Variants in CBFA2T2 observed in about 807,000 individuals in gnomAD.
CBFA2T2 encodes protein CBFA2T2.
A neutral mutation model predicts 62.2 loss-of-function variants in CBFA2T2; 11 were observed. The observed-to-expected ratio is 0.18, with a 90% CI of 0.11 to 0.29. The LOEUF (loss-of-function observed/expected upper bound fraction) is 0.29. Ranked by LOEUF, CBFA2T2 falls within the 10% of genes least tolerant of loss-of-function variation. The pLI is 1.00. For synonymous variants in CBFA2T2, 295 were observed against 287.5 expected (o/e 1.03, Z -0.27); for missense variants, 592 against 774.1 (o/e 0.76, Z 2.79).
At chr20:33,548,983 TCCATCC>T (rs1416052556) in intron 1 of CBFA2T2, among the ~76,000 whole-genome samples, 15 of 128,850 alleles carry the variant, frequency 1.2e-4, no homozygotes, top group African/African-American at 6.2e-4. Context: ...CGTCCATCCA[TCCATCC>T]ATCCATCCAT....
chr20:33,551,760 G>A (rs748351624), intron 1 of CBFA2T2, among the ~76,000 whole-genome samples: 38 of 152,152 alleles, frequency 2.5e-4, no homozygotes, highest in South Asian at 6.2e-4. Context: ...TTGAACTCCT[G>A]ACCTCAAGAA....
At chr20:33,536,495 G>A (rs1213548469) in intron 1 of CBFA2T2, among the ~76,000 whole-genome samples, 10 of 150,956 alleles carry the variant, frequency 6.6e-5, no homozygotes, top group East Asian at 2.0e-4. Flanking sequence ...CCTCCCTCCC[G>A]GACGGGGTGG....
chr20:33,642,108 TTTTTTTTTTGTGTGTGTGTG>T (rs1232163396), intron 10 of CBFA2T2, among the ~76,000 whole-genome samples: 55 of 55,386 alleles, frequency 9.9e-4, no homozygotes, highest in Middle Eastern at 0.011. Flanking sequence ...CCTTTGTCTT[TTTTTTTTTTGTGTGTGTGTG>T]TGTGTGTGTG....
chr20:33,628,317 C>T, intron 6 of CBFA2T2, 33 bp from the exon 7 acceptor site: 1 of 1,466,674 alleles, frequency 6.8e-7, no homozygotes, highest in Non-Finnish European at 9.6e-7. Context: ...GTTTTTCCTG[C>T]TATCTTTGAA....
Position 33,643,719 on chromosome 20 carries a change from G to A in CBFA2T2, c.1489-628G>A, listed in dbSNP as rs184792411. ...ATCACTTGAGCCCAGGAGTTCAAGCGTAGCCTGGCCAACATGGCAAAACCT... is the reference window on the plus strand; with the variant it reads ...ATCACTTGAGCCCAGGAGTTCAAGCATAGCCTGGCCAACATGGCAAAACCT... On this transcript the variant is annotated intron_variant, in intron 10 of 10. Transcript: ENST00000342704. 2.8e-3 allele frequency among the ~76,000 whole-genome samples: 326 copies of A among 115,062 alleles called. 1 individual carries two copies. Among genetic ancestry groups the A allele is most frequent in the African/African-American group, 9.4e-3 (320 of 33,868 alleles). 75.5% of individuals were successfully genotyped at this position (115,062 alleles called of 152,430 possible). A position where few individuals can be genotyped will look rare whatever the true frequency, so the allele number is the denominator to read the frequency against.
At chr20:33,540,144 G>A (rs892864680) in intron 1 of CBFA2T2, among the ~76,000 whole-genome samples, 1 of 152,160 alleles carries the variant, frequency 6.6e-6, no homozygotes, top group African/African-American at 2.4e-5. Context: ...AACAGAATGG[G>A]AGTTTGGTAA....
chr20:33,580,868 AT>A (rs1394101477), intron 1 of CBFA2T2, among the ~76,000 whole-genome samples: 4 of 152,084 alleles, frequency 2.6e-5, no homozygotes, highest in Non-Finnish European at 5.9e-5. Context: ...TTATTTATTT[AT>A]TTTTAAAAAG....
chr20:33,507,601 A>G (rs1418134886), intron 1 of CBFA2T2, among the ~76,000 whole-genome samples: 2 of 151,964 alleles, frequency 1.3e-5, no homozygotes, highest in Non-Finnish European at 2.9e-5. Context: ...TAGCATTACC[A>G]TTTTTTTCTG....
intron 4 of CBFA2T2, 53 bp downstream of exon 4, chr20:33,619,659 G>A: frequency 7.8e-7 from 1 of 1,282,370 alleles, no homozygotes; most frequent in Non-Finnish European, 1.1e-6. Context: ...CTCAAATTCT[G>A]CTAATCCCTG....
chr20:33,584,668 G>C (rs1029424533), intron 1 of CBFA2T2, among the ~76,000 whole-genome samples: 1 of 152,130 alleles, frequency 6.6e-6, no homozygotes, highest in African/African-American at 2.4e-5. Context: ...TAATATAGAT[G>C]ATGGTGGTCA....
intron 3 of CBFA2T2, among the ~76,000 whole-genome samples, chr20:33,613,730 T>C (rs1330581106): frequency 6.6e-6 from 1 of 152,206 alleles, no homozygotes; most frequent in East Asian, 1.9e-4. Context: ...TTTAGTTCTT[T>C]TTTATTTTAA....
intron 1 of CBFA2T2, among the ~76,000 whole-genome samples, chr20:33,604,950 A>G (rs2015283651): frequency 6.6e-6 from 1 of 152,218 alleles, no homozygotes; most frequent in African/African-American, 2.4e-5. Flanking sequence ...TAGTCCACTA[A>G]TCAGACAGGA....
intron 1 of CBFA2T2, among the ~76,000 whole-genome samples, chr20:33,567,469 T>A (rs1034818644): frequency 1.1e-4 from 16 of 152,224 alleles, no homozygotes; most frequent in Non-Finnish European, 1.9e-4. Flanking sequence ...GCTAAGACAT[T>A]CTGAGAGAGA....
chr20:33,626,048 G>C (rs1220142683), intron 6 of CBFA2T2, among the ~76,000 whole-genome samples: 1 of 152,158 alleles, frequency 6.6e-6, no homozygotes, highest in Admixed American at 6.5e-5. Flanking sequence ...CTTGCAGTGA[G>C]CCGAGATCAC....
rs1889668528 is a variant in CBFA2T2 at position 33,532,684 on chromosome 20, A to ATGTATCTTGTC, written c.34+42386_34+42396dup. 2.6e-5 allele frequency among the ~76,000 whole-genome samples: 4 copies of ATGTATCTTGTC among 152,334 alleles called. No homozygotes were observed. The South Asian group carries it at 8.3e-4, about 32-fold the overall frequency. On this transcript the variant is annotated intron_variant, in intron 1 of 10. Transcript: ENST00000342704. ...ATGTCTCATTTAACACTGTGAGAGG[A>ATGTATCTTGTC]TGTATCTTGTCTGCATCTTGTGTTT...
intron 1 of CBFA2T2, among the ~76,000 whole-genome samples, chr20:33,564,317 C>T (rs1190466772): frequency 6.7e-6 from 1 of 148,716 alleles, no homozygotes; most frequent in African/African-American, 2.5e-5. Flanking sequence ...AGGTGGAGTG[C>T]AGTGGCGCGG....
At chr20:33,513,345 GTTTTTTTGTTT>G (rs1435377771) in intron 1 of CBFA2T2, among the ~76,000 whole-genome samples, 44 of 149,862 alleles carry the variant, frequency 2.9e-4, no homozygotes, top group Non-Finnish European at 6.2e-4. Flanking sequence ...ACCGTAATGG[GTTTTTTTGTTT>G]TTTTTTTGGT....
intron 1 of CBFA2T2, among the ~76,000 whole-genome samples, chr20:33,598,536 G>C (rs778766826): frequency 2.0e-5 from 3 of 152,174 alleles, no homozygotes; most frequent in Non-Finnish European, 2.9e-5. Flanking sequence ...AACAATTGCT[G>C]TTATCCTGTT....
intron 1 of CBFA2T2, among the ~76,000 whole-genome samples, chr20:33,552,971 A>G (rs1568815636): frequency 1.3e-5 from 2 of 152,116 alleles, no homozygotes; most frequent in African/African-American, 2.4e-5. Context: ...GATTATGTCT[A>G]TATAGCACAC....
Sources: allele counts gnomAD v4.1 joint callset (sites outside exome capture counted in the v4.1 genomes callset), GRCh38; gene constraint gnomAD v4.1.1; transcripts MANE v1.5; gene names NCBI Gene and HGNC (gene_info 2026-07-23, HGNC 2026-07-21).